The following KCNC2 variants were observed in gnomAD, a reference collection of about 807,000 sequenced individuals.
KCNC2 encodes potassium voltage-gated channel subfamily C member 2.
In KCNC2, 21 loss-of-function variants were observed where a neutral mutation model predicts 44.5. The ratio of observed to expected loss-of-function variants is 0.47; its 90% confidence interval spans 0.33 to 0.68. KCNC2 has a LOEUF of 0.68. KCNC2 is among the 30% of genes least tolerant of loss of function. The pLI is 0.01. For missense variants in KCNC2, 589 were observed against 826.2 expected (o/e 0.71, Z 3.52); for synonymous variants, 391 against 339.1 (o/e 1.15, Z -1.68).
intron 4 of KCNC2, among the ~76,000 whole-genome samples, chr12:75,044,126 A>G (rs971465479): frequency 6.6e-6 from 1 of 151,984 alleles, no homozygotes; most frequent in African/African-American, 2.4e-5. Flanking sequence ...TGCATATTTT[A>G]GTATTTTTTA....
Position 75,042,963 on chromosome 12 carries a change from G to A in KCNC2, c.*142C>T. ...CATTAGCTACCCAAGTGGCATTTCT[G>A]ACTTCAAATTGTAGTATCATGCAAG... is the stretch of plus-strand genomic sequence containing the variant. On this transcript the variant is annotated 3_prime_UTR_variant, in exon 5 of 5. Coordinates refer to ENST00000549446, the MANE Select transcript of KCNC2 (RefSeq NM_139137.4). 7.1e-7 allele frequency: 1 copy of A among 1,413,056 alleles called. No individual in the cohort carries two copies. Among genetic ancestry groups the A allele is most frequent in the Non-Finnish European group, 9.2e-7 (1 of 1,083,554 alleles). The allele number at this position is 1,413,056 out of a possible 1,614,324, so 87.5% of individuals were successfully genotyped here.
chr12:75,053,989 G>A (rs1190677750), intron 2 of KCNC2, among the ~76,000 whole-genome samples: 1 of 151,540 alleles, frequency 6.6e-6, no homozygotes, highest in African/African-American at 2.4e-5. Flanking sequence ...TTGGGAGGCT[G>A]AGGTGGATGG....
intron 2 of KCNC2, among the ~76,000 whole-genome samples, chr12:75,056,969 T>G (rs1881812898): frequency 6.6e-6 from 1 of 152,014 alleles, no homozygotes; most frequent in Non-Finnish European, 1.5e-5. Context: ...TATAGCTGGG[T>G]GTAAGAGTGG....
At chr12:75,133,781 G>C (rs1279180903) in intron 2 of KCNC2, among the ~76,000 whole-genome samples, 1 of 151,934 alleles carries the variant, frequency 6.6e-6, no homozygotes, top group African/African-American at 2.4e-5. Context: ...GATGAGATGG[G>C]AATTCATTCA....
intron 2 of KCNC2, among the ~76,000 whole-genome samples, chr12:75,065,095 T>C (rs1263387077): frequency 6.6e-6 from 1 of 152,088 alleles, no homozygotes; most frequent in Non-Finnish European, 1.5e-5. Context: ...TTCTTTATTA[T>C]TTGATGGTCC....
intron 2 of KCNC2, among the ~76,000 whole-genome samples, chr12:75,172,670 A>C (rs1214192212): frequency 6.6e-6 from 1 of 151,854 alleles, no homozygotes; most frequent in African/African-American, 2.4e-5. Context: ...AAAACATTCT[A>C]TGCTAGCTGT....
chr12:75,084,290 T>TAGATGATAGATGATA (rs200893949), intron 2 of KCNC2, among the ~76,000 whole-genome samples: 3 of 123,656 alleles, frequency 2.4e-5, no homozygotes, highest in East Asian at 2.3e-4. Context: ...GATAGATAGA[T>TAGATGATAGATGATA]GATAGATAGA....
intron 2 of KCNC2, among the ~76,000 whole-genome samples, chr12:75,142,917 G>A (rs1889757281): frequency 6.6e-6 from 1 of 152,168 alleles, no homozygotes; most frequent in Non-Finnish European, 1.5e-5. Context: ...GAAGAGAGGA[G>A]TGTTAAAGTG....
intron 2 of KCNC2, among the ~76,000 whole-genome samples, chr12:75,078,589 AT>A (rs975531426): frequency 7.9e-5 from 12 of 152,120 alleles, no homozygotes; most frequent in Non-Finnish European, 1.5e-4. Flanking sequence ...AACTCATTTC[AT>A]TTTTACAGAA....
At chr12:75,048,437 T>A (rs923406210) in intron 3 of KCNC2, 120 bp from the exon 4 acceptor site, 2 of 672,578 alleles carry the variant, frequency 3.0e-6, no homozygotes, top group Admixed American at 8.3e-5. Context: ...AAGAATCACA[T>A]CACAATAAGA....
At chr12:75,045,299 C>T (rs1307291841) in intron 4 of KCNC2, among the ~76,000 whole-genome samples, 2 of 151,884 alleles carry the variant, frequency 1.3e-5, no homozygotes, top group Non-Finnish European at 2.9e-5. Context: ...ATGCCAGTAA[C>T]ATATAAAACT....
At chr12:75,159,868 T>C (rs1305545855) in intron 2 of KCNC2, among the ~76,000 whole-genome samples, 1 of 151,884 alleles carries the variant, frequency 6.6e-6, no homozygotes. Flanking sequence ...TCACTGCAAC[T>C]ATACTATGAG....
At chr12:75,075,458 C>CATATATATATATATATATATATATATAT (rs5799200) in intron 2 of KCNC2, among the ~76,000 whole-genome samples, 13 of 145,584 alleles carry the variant, frequency 8.9e-5, no homozygotes, top group Non-Finnish European at 1.7e-4. Context: ...TATATATATA[C>CATATATATATATATATATATATATATAT]ATATATATAT....
chr12:75,129,654 G>A (rs1410660268), intron 2 of KCNC2, among the ~76,000 whole-genome samples: 1 of 152,108 alleles, frequency 6.6e-6, no homozygotes, highest in Admixed American at 6.6e-5. Context: ...ACTGTACTGG[G>A]TGAAGAAATA....
chr12:75,049,465 C>A (rs1020907011), intron 3 of KCNC2, among the ~76,000 whole-genome samples: 1 of 152,026 alleles, frequency 6.6e-6, no homozygotes, highest in Non-Finnish European at 1.5e-5. Flanking sequence ...GTTTAATCTG[C>A]AAAATATTTT....
chr12:75,129,258 T>A (rs1888662081), intron 2 of KCNC2, among the ~76,000 whole-genome samples: 1 of 152,118 alleles, frequency 6.6e-6, no homozygotes, highest in Admixed American at 6.5e-5. Flanking sequence ...GGAGCCGGGG[T>A]GCCATGACGC....
rs1880109341 is a variant in KCNC2, at chr12:75,043,183, C to T, written c.1839G>A (p.Arg613=). ...TGTAGGGTGATGTTACTGGAGAGAG[C>T]CTCAGAGCATTGCCTGCCAAGCCCG... ...NIAGLAGNAL[R]LSPVTSPYNS... is the part of the protein sequence containing the mutation. Residue 613 remains arginine (R), a synonymous_variant, in exon 5 of 5, where the codon AGG becomes AGA. Transcript: ENST00000549446. 4 of 1,612,408 alleles carry T rather than the reference C, an allele frequency of 2.5e-6. No homozygotes were observed. Among genetic ancestry groups the T allele is most frequent in the African/African-American group, 1.3e-5 (1 of 74,848 alleles).
chr12:75,098,584 C>A (rs1886123404), intron 2 of KCNC2, among the ~76,000 whole-genome samples: 1 of 151,914 alleles, frequency 6.6e-6, no homozygotes, highest in African/African-American at 2.4e-5. Flanking sequence ...CATGGTGAAA[C>A]CCCATTTCTA....
intron 2 of KCNC2, among the ~76,000 whole-genome samples, chr12:75,073,498 T>C (rs1358535453): frequency 9.2e-5 from 14 of 152,158 alleles, no homozygotes; most frequent in Non-Finnish European, 1.5e-5. Flanking sequence ...TCAACATGTT[T>C]AATAAAAACT....
Sources: gnomAD v4.1 joint callset for allele counts (sites outside exome capture counted in the v4.1 genomes callset) on GRCh38, gnomAD v4.1.1 for gene constraint, MANE v1.5 for transcripts, NCBI Gene and HGNC (gene_info 2026-07-23, HGNC 2026-07-21) for gene names.